The following ADGRB3 variants were observed in gnomAD, a reference collection of about 807,000 sequenced individuals.
ADGRB3 encodes the protein adhesion G protein-coupled receptor B3, also known as brain-specific angiogenesis inhibitor 3.
ADGRB3 carries 37 observed loss-of-function variants against 193.4 expected under a neutral mutation model. The observed-to-expected ratio is 0.19, with a 90% confidence interval of 0.15 to 0.25. The LOEUF is 0.25. Among genes scored for constraint, ADGRB3 ranks in the 10% least tolerant of loss-of-function variants. The pLI, the probability that ADGRB3 is intolerant of heterozygous loss-of-function variation, is 1.00. For missense variants in ADGRB3, 1,637 were observed against 1,852.9 expected (o/e 0.88, Z 2.14); for synonymous variants, 690 against 644.2 (o/e 1.07, Z -1.08).
intron 3 of ADGRB3, among the ~76,000 whole-genome samples, chr6:68,645,449 C>A (rs1161499265): frequency 1.3e-5 from 2 of 152,102 alleles, no homozygotes; most frequent in African/African-American, 4.8e-5. Context: ...AGAGATAATA[C>A]TTTTTTCTAG....
In ADGRB3 at chr6:68,715,824, G is replaced by A. The variant is rs564967007; in HGVS notation, c.757+76392G>A. Reference sequence around the variant, plus strand: ...AAACTCACAATGGTATAATAAAAAAGGAAACAATTTTACATAACAATGTGC... The same window carrying A: ...AAACTCACAATGGTATAATAAAAAAAGAAACAATTTTACATAACAATGTGC... On this transcript the variant is annotated intron_variant, in intron 3 of 31. Transcript: ENST00000370598. Among the ~76,000 whole-genome samples the A allele has an allele frequency of 1.3e-4, 20 of 151,750 alleles. 1 individual carries two copies. The highest frequency in any genetic ancestry group is 2.7e-4 in the Non-Finnish European group (18 of 67,790).
chr6:69,289,708 G>T (rs1284942479), intron 20 of ADGRB3, among the ~76,000 whole-genome samples: 4 of 152,010 alleles, frequency 2.6e-5, no homozygotes, highest in African/African-American at 9.7e-5. Flanking sequence ...AAACATCCTT[G>T]GCCCTACAGT....
intron 17 of ADGRB3, among the ~76,000 whole-genome samples, chr6:69,077,898 T>C (rs1301524171): frequency 2.0e-5 from 3 of 152,112 alleles, no homozygotes; most frequent in South Asian, 2.1e-4. Context: ...AGAACTTCTT[T>C]CCCATCACAG....
intron 3 of ADGRB3, among the ~76,000 whole-genome samples, chr6:68,923,066 C>T (rs954665833): frequency 3.3e-5 from 5 of 151,998 alleles, no homozygotes; most frequent in Non-Finnish European, 5.9e-5. Context: ...AAATTATAAA[C>T]GCTATATACA....
chr6:68,848,056 G>T (rs1215428484), intron 3 of ADGRB3, among the ~76,000 whole-genome samples: 14 of 151,084 alleles, frequency 9.3e-5, no homozygotes, highest in Admixed American at 8.6e-4. Context: ...AAACTAAGTA[G>T]AATTAATATT....
rs1770703152 is a variant in ADGRB3, at chr6:69,031,555, C to CTTTCTTTCTTTCTTTCTTTCTTTCTTTCT, written c.2107+13067_2107+13068insCTTTCTTTCTTTCTTTCTTTTCTTTCTTT. Among the ~76,000 whole-genome samples the CTTTCTTTCTTTCTTTCTTTCTTTCTTTCT allele has an allele frequency of 8.1e-4, 74 of 91,552 alleles. 1 individual carries two copies. Among genetic ancestry groups the CTTTCTTTCTTTCTTTCTTTCTTTCTTTCT allele is most frequent in the African/African-American group, 2.7e-3 (72 of 26,220 alleles). 60.1% of individuals were successfully genotyped at this position (91,552 alleles called of 152,430 possible). On this transcript the variant is annotated intron_variant, in intron 13 of 31. Coordinates refer to ENST00000370598, the MANE Select transcript of ADGRB3 (RefSeq NM_001704.3). ...TTTCTTTCTTTCTTTCTTTCTTTTTCTTTCTTTCTTTTCTTCCTCTGTCTC... is the reference window on the plus strand; with the variant it reads ...TTTCTTTCTTTCTTTCTTTCTTTTTCTTTCTTTCTTTCTTTCTTTCTTTCTTTCTTTTCTTTCTTTTCTTCCTCTGTCTC...
intron 17 of ADGRB3, among the ~76,000 whole-genome samples, chr6:69,120,208 G>T (rs575948715): frequency 6.6e-6 from 1 of 152,316 alleles, no homozygotes; most frequent in African/African-American, 2.4e-5. Context: ...AAGTCTGGAG[G>T]TTATGAATTT....
chr6:68,827,667 G>C (rs577046336), intron 3 of ADGRB3, among the ~76,000 whole-genome samples: 3 of 151,580 alleles, frequency 2.0e-5, no homozygotes, highest in Non-Finnish European at 4.4e-5. Context: ...GGTTTTTTTT[G>C]GGGGGGAGGG....
At chr6:68,739,873 G>A (rs542430075) in intron 3 of ADGRB3, among the ~76,000 whole-genome samples, 1 of 152,044 alleles carries the variant, frequency 6.6e-6, no homozygotes, top group South Asian at 2.1e-4. Flanking sequence ...TCACTTGTTT[G>A]GTTTTAATTA....
At chr6:69,157,322 A>T (rs545015912) in intron 17 of ADGRB3, among the ~76,000 whole-genome samples, 1 of 152,196 alleles carries the variant, frequency 6.6e-6, no homozygotes, top group Non-Finnish European at 1.5e-5. Context: ...ACCTAGGGAC[A>T]TAGGTGTTTG....
intron 16 of ADGRB3, among the ~76,000 whole-genome samples, chr6:69,064,553 G>C (rs1771842706): frequency 6.6e-6 from 1 of 151,846 alleles, no homozygotes; most frequent in Non-Finnish European, 1.5e-5. Context: ...ATTTGCTTTT[G>C]AATAAAGAAT....
intron 17 of ADGRB3, among the ~76,000 whole-genome samples, chr6:69,094,466 C>T (rs1227509070): frequency 6.6e-6 from 1 of 152,166 alleles, no homozygotes; most frequent in Non-Finnish European, 1.5e-5. Flanking sequence ...TTGGTTCAAA[C>T]AGACTAACAC....
At chr6:68,685,900 A>T (rs538378373) in intron 3 of ADGRB3, among the ~76,000 whole-genome samples, 18 of 152,174 alleles carry the variant, frequency 1.2e-4, no homozygotes, top group African/African-American at 4.1e-4. Context: ...CTCAAAATAT[A>T]TATATACTTT....
intron 3 of ADGRB3, among the ~76,000 whole-genome samples, chr6:68,695,033 G>A (rs1426333046): frequency 6.6e-6 from 1 of 152,076 alleles, no homozygotes; most frequent in East Asian, 1.9e-4. Context: ...AACTTGTGAT[G>A]ATGGAAATAG....
At chr6:68,872,825 G>A (rs1306145497) in intron 3 of ADGRB3, among the ~76,000 whole-genome samples, 1 of 152,082 alleles carries the variant, frequency 6.6e-6, no homozygotes, top group East Asian at 1.9e-4. Context: ...GAAAGACATA[G>A]TAGTTCTGGG....
chr6:68,761,862 T>C (rs1450300787), intron 3 of ADGRB3, among the ~76,000 whole-genome samples: 3 of 152,192 alleles, frequency 2.0e-5, no homozygotes, highest in Non-Finnish European at 4.4e-5. Flanking sequence ...TTAGATAATG[T>C]GCATGTCAAG....
chr6:69,282,317 A>G (rs1210739179), intron 20 of ADGRB3, among the ~76,000 whole-genome samples: 1 of 152,198 alleles, frequency 6.6e-6, no homozygotes, highest in Admixed American at 6.5e-5. Flanking sequence ...TGTGAGACTA[A>G]AAGGATAACA....
intron 30 of ADGRB3, among the ~76,000 whole-genome samples, chr6:69,380,561 AATCCTAGAAAATG>A (rs1769925869): frequency 6.6e-6 from 1 of 151,956 alleles, no homozygotes; most frequent in Admixed American, 6.6e-5. Context: ...AAATTGTCTG[AATCCTAGAAAATG>A]GAAAAGAGAG....
At chr6:69,167,248 T>C (rs1775154550) in intron 17 of ADGRB3, among the ~76,000 whole-genome samples, 1 of 152,134 alleles carries the variant, frequency 6.6e-6, no homozygotes, top group African/African-American at 2.4e-5. Context: ...AAAATGAAGC[T>C]TGAAGTCTAA....
Sources: allele counts gnomAD v4.1 joint callset (sites outside exome capture counted in the v4.1 genomes callset), GRCh38; gene constraint gnomAD v4.1.1; transcripts MANE v1.5; gene names NCBI Gene and HGNC (gene_info 2026-07-23, HGNC 2026-07-21).